Variants in CRKL observed in about 807,000 individuals in gnomAD.
CRKL encodes CRK like proto-oncogene, adaptor protein, also known as crk-like protein.
CRKL carries 3 observed loss-of-function variants against 23.0 expected under a neutral mutation model. The observed-to-expected ratio is 0.13, with a 90% CI of 0.06 to 0.34. The LOEUF is 0.34. Ranked by LOEUF, CRKL falls within the 10% of genes least tolerant of loss-of-function variation. CRKL has a pLI of 1.00. For missense variants in CRKL, 256 were observed against 394.5 expected (o/e 0.65, Z 2.97); for synonymous variants, 188 against 160.7 (o/e 1.17, Z -1.28).
chr22:20,928,147 ACT>A (rs949439571), intron 1 of CRKL, among the ~76,000 whole-genome samples: 130 of 151,908 alleles, frequency 8.6e-4, no homozygotes, highest in African/African-American at 3.0e-3. Context: ...ATAGAGTGAG[ACT>A]CTGTCTCAAA....
chr22:20,937,800 G>A (rs1288168910), intron 2 of CRKL, among the ~76,000 whole-genome samples: 1 of 152,006 alleles, frequency 6.6e-6, no homozygotes, highest in Non-Finnish European at 1.5e-5. Flanking sequence ...CTGAGAAATA[G>A]ACCTTTACCA....
chr22:20,935,815 C>T (rs996673191), intron 2 of CRKL, among the ~76,000 whole-genome samples: 21 of 151,960 alleles, frequency 1.4e-4, no homozygotes, highest in African/African-American at 4.8e-4. Flanking sequence ...TGATCCACTG[C>T]ACTTGGCCAA....
intron 1 of CRKL, among the ~76,000 whole-genome samples, chr22:20,924,855 A>G (rs369215177): frequency 5.5e-4 from 83 of 151,726 alleles, no homozygotes; most frequent in African/African-American, 1.7e-3. Context: ...ACAAAAAACA[A>G]GAACACTGTC....
At chr22:20,938,460 T>C (rs987372334) in intron 2 of CRKL, among the ~76,000 whole-genome samples, 8 of 152,096 alleles carry the variant, frequency 5.3e-5, no homozygotes, top group African/African-American at 1.9e-4. Context: ...TGTAGACAGG[T>C]GAGCATGCTG....
At chr22:20,918,919 T>C (rs1481556861) in intron 1 of CRKL, among the ~76,000 whole-genome samples, 1 of 151,918 alleles carries the variant, frequency 6.6e-6, no homozygotes, top group East Asian at 1.9e-4. Context: ...TAGACTTCTT[T>C]GAGAATCTGA....
intron 1 of CRKL, among the ~76,000 whole-genome samples, chr22:20,924,120 C>T (rs990427200): frequency 3.3e-5 from 5 of 152,064 alleles, no homozygotes; most frequent in Admixed American, 2.0e-4. Flanking sequence ...CATGGGAGGT[C>T]GAGGCTACAG....
intron 1 of CRKL, among the ~76,000 whole-genome samples, chr22:20,922,984 T>C (rs917329149): frequency 2.6e-5 from 4 of 152,156 alleles, no homozygotes; most frequent in Admixed American, 1.3e-4. Context: ...AGCTCTAGTG[T>C]ATTTTTATTT....
At chr22:20,938,213 T>C (rs1921733890) in intron 2 of CRKL, among the ~76,000 whole-genome samples, 1 of 152,222 alleles carries the variant, frequency 6.6e-6, no homozygotes, top group African/African-American at 2.4e-5. Flanking sequence ...AGAATGATGA[T>C]GGCTTAGGTG....
intron 2 of CRKL, 43 bp downstream of exon 2, chr22:20,934,287 G>C (rs763818638): frequency 6.6e-7 from 1 of 1,521,716 alleles, no homozygotes; most frequent in Non-Finnish European, 8.9e-7. Context: ...TTTGACATTT[G>C]GTTTTAATTT....
chr22:20,934,213 G>T lies in CRKL; in HGVS notation c.746G>T (p.Cys249Phe), dbSNP rs2147906027. The T allele has an allele frequency of 6.2e-7, 1 of 1,613,920 alleles. No homozygotes were observed. Among genetic ancestry groups the T allele is most frequent in the Non-Finnish European group, 8.5e-7 (1 of 1,179,838 alleles). The change falls in exon 2 of 3, where the codon TGT (cysteine) becomes TTT (phenylalanine). Residue 249 changes from cysteine to phenylalanine, a missense_variant. Physicochemically the swap from Cys to Phe is radical, Grantham distance 205. Transcript: ENST00000354336. Reference sequence around the variant, plus strand: ...AAAGCAATCCAGAAAAGAGTACCCTGTGCTTATGACAAGACTGCCTTGGCA... The same window carrying T: ...AAAGCAATCCAGAAAAGAGTACCCTTTGCTTATGACAAGACTGCCTTGGCA... Reference protein sequence around the residue: ...FAKAIQKRVPCAYDKTALALE... With the variant: ...FAKAIQKRVPFAYDKTALALE...
intron 1 of CRKL, among the ~76,000 whole-genome samples, chr22:20,932,210 G>A (rs896026390): frequency 2.0e-5 from 3 of 151,750 alleles, no homozygotes; most frequent in Non-Finnish European, 4.4e-5. Flanking sequence ...CTGGGCTCAA[G>A]TAATGCTCCT....
At position 20,918,207 on chromosome 22, in the gene CRKL, C is replaced by T. The variant is rs2147892049; in HGVS notation, c.273C>T (p.His91=). The T allele has an allele frequency of 1.2e-6, 2 of 1,614,116 alleles. No homozygotes were observed. The highest frequency in any genetic ancestry group is 1.7e-6 in the Non-Finnish European group (2 of 1,180,040). Residue 91 remains histidine (H), a synonymous_variant, in exon 1 of 3, where the codon CAC becomes CAT. Coordinates refer to ENST00000354336, the MANE Select transcript of CRKL (RefSeq NM_005207.4). The part of the protein sequence containing the change: ...LPALLEFYKI[H]YLDTTTLIEP... ...CCCTGCTGGAGTTTTACAAGATCCACTACCTGGACACCACCACCCTCATCG... is the reference window on the plus strand; with the variant it reads ...CCCTGCTGGAGTTTTACAAGATCCATTACCTGGACACCACCACCCTCATCG...
At chr22:20,940,605 G>C (rs1186821616) in intron 2 of CRKL, among the ~76,000 whole-genome samples, 1 of 131,082 alleles carries the variant, frequency 7.6e-6, no homozygotes, top group Non-Finnish European at 1.6e-5. Context: ...TTTTCTTAGT[G>C]ATACTCAGCG....
chr22:20,940,566 CTTTTTTTTT>C (rs55853175), intron 2 of CRKL, among the ~76,000 whole-genome samples: 8 of 134,902 alleles, frequency 5.9e-5, no homozygotes, highest in Non-Finnish European at 4.6e-5. Flanking sequence ...TTTGGTGCTC[CTTTTTTTTT>C]TTTTTTTTTT....
chr22:20,920,162 T>C (rs1366578422), intron 1 of CRKL, among the ~76,000 whole-genome samples: 1 of 152,192 alleles, frequency 6.6e-6, no homozygotes. Context: ...AAGCCATGCA[T>C]ATGCTTATGT....
chr22:20,934,011 G>A lies in CRKL; in HGVS notation c.544G>A (p.Val182Met), dbSNP rs1253813166. 1 of 1,614,056 alleles carries A rather than the reference G, an allele frequency of 6.2e-7. No homozygotes were observed. The change falls in exon 2 of 3, where the codon GTG (valine) becomes ATG (methionine). Residue 182 changes from valine (V) to methionine (M), a missense_variant. Transcript: ENST00000354336. Reference protein sequence around the residue: ...MIPVPYVEKLVRSSPHGKHGN... With the variant: ...MIPVPYVEKLMRSSPHGKHGN... ...TCCTGTCCCTTATGTCGAAAAGCTT[G>A]TGAGATCCTCACCACACGGAAAGCA...
chr22:20,950,115 T>C lies in CRKL; in HGVS notation c.*270T>C, dbSNP rs766255001. The C allele has an allele frequency of 4.5e-6, 2 of 442,422 alleles. No homozygotes were observed. Among genetic ancestry groups the C allele is most frequent in the African/African-American group, 2.1e-5 (1 of 48,640 alleles). 27.4% of individuals were successfully genotyped at this position (442,422 alleles called of 1,614,324 possible). A position where few individuals can be genotyped will look rare whatever the true frequency, so the allele number is the denominator to read the frequency against. ...ATGGAAGCACACAAGTGGAGAGAAG[T>C]TGACATGGAAAGGGTCTTCCTTCTC... On this transcript the variant is annotated 3_prime_UTR_variant, in exon 3 of 3. Transcript: ENST00000354336.
chr22:20,935,512 A>G (rs1302934473), intron 2 of CRKL, among the ~76,000 whole-genome samples: 1 of 127,344 alleles, frequency 7.9e-6, no homozygotes, highest in African/African-American at 3.0e-5. Context: ...TTACCAAGTC[A>G]TTTTCTTTTC....
At chr22:20,949,657 C>G (rs2147918077) in intron 2 of CRKL, 54 bp from the exon 3 acceptor site, 1 of 1,602,318 alleles carries the variant, frequency 6.2e-7, no homozygotes. Context: ...TTAATGTAAA[C>G]TGTCTTTTTC....
Sources: gnomAD v4.1 joint callset for allele counts (sites outside exome capture counted in the v4.1 genomes callset) on GRCh38, gnomAD v4.1.1 for gene constraint, MANE v1.5 for transcripts, NCBI Gene and HGNC (gene_info 2026-07-23, HGNC 2026-07-21) for gene names.